The following COG4 variants were observed in gnomAD, a reference collection of about 807,000 sequenced individuals.
COG4 encodes component of oligomeric golgi complex 4.
A neutral mutation model predicts 95.1 loss-of-function variants in COG4; 65 were observed. That is an observed-to-expected ratio of 0.68 (90% confidence interval 0.56 to 0.84). COG4 has a LOEUF of 0.84. Ranked by LOEUF, COG4 falls within the 40% of genes least tolerant of loss-of-function variation. The pLI, the probability that COG4 is intolerant of heterozygous loss-of-function variation, is 0.00. For synonymous variants in COG4, 421 were observed against 374.8 expected (o/e 1.12, Z -1.42); for missense variants, 1,045 against 989.1 (o/e 1.06, Z -0.76).
At chr16:70,516,013 C>A (rs1347480797) in intron 3 of COG4, 1 of 455,782 alleles carries the variant, frequency 2.2e-6, no homozygotes, top group Admixed American at 2.4e-5. Context: ...TGAGAAGTTC[C>A]CCTCTATTCC....
At chr16:70,485,777 G>A (rs938483481) in intron 13 of COG4, among the ~76,000 whole-genome samples, 1 of 151,200 alleles carries the variant, frequency 6.6e-6, no homozygotes, top group African/African-American at 2.4e-5. Flanking sequence ...TAGAGATGGG[G>A]TTTCACCATG....
chr16:70,493,191 T>C (rs1027286131), intron 12 of COG4, among the ~76,000 whole-genome samples: 6 of 152,178 alleles, frequency 3.9e-5, no homozygotes, highest in African/African-American at 1.4e-4. Flanking sequence ...TATTTGATAT[T>C]TTCTTAATGG....
chr16:70,510,663 C>G (rs1007638233), intron 5 of COG4, among the ~76,000 whole-genome samples: 3 of 151,974 alleles, frequency 2.0e-5, no homozygotes, highest in African/African-American at 7.3e-5. Context: ...ACGACAAAAC[C>G]TGGGTACTGC....
At chr16:70,523,232 A>C in intron 1 of COG4, 141 bp downstream of exon 1, 2 of 1,014,566 alleles carry the variant, frequency 2.0e-6, no homozygotes, top group Non-Finnish European at 3.1e-6. Flanking sequence ...CTACTCATAT[A>C]CCCGACTAGC....
At chr16:70,492,918 G>A (rs1597664113) in intron 12 of COG4, among the ~76,000 whole-genome samples, 3 of 152,050 alleles carry the variant, frequency 2.0e-5, no homozygotes, top group South Asian at 4.2e-4. Context: ...AGCCAAGATC[G>A]CGCCATTGCA....
intron 1 of COG4, among the ~76,000 whole-genome samples, chr16:70,521,876 T>C (rs2049951830): frequency 6.6e-6 from 1 of 150,598 alleles, no homozygotes; most frequent in African/African-American, 2.5e-5. Context: ...TAATTTTTTG[T>C]ATTTTTAGTA....
chr16:70,489,057 A>G (rs551519980), intron 13 of COG4, among the ~76,000 whole-genome samples: 1 of 152,238 alleles, frequency 6.6e-6, no homozygotes, highest in South Asian at 2.1e-4. Context: ...GAAGATTTGA[A>G]CTTGGGGTAT....
At chr16:70,505,199 T>G (rs1424997457) in intron 8 of COG4, among the ~76,000 whole-genome samples, 2 of 144,060 alleles carry the variant, frequency 1.4e-5, no homozygotes, top group Non-Finnish European at 3.0e-5. Context: ...TGGATTTTCT[T>G]TTTTTTTTTT....
In COG4 at chr16:70,523,548, C is replaced by A. The variant is rs928454056; in HGVS notation, c.-5G>T. On this transcript the variant is annotated 5_prime_UTR_variant, in exon 1 of 19. Coordinates refer to ENST00000323786, the MANE Select transcript of COG4 (RefSeq NM_015386.3). ...GTCCGCCATCTTGGTCCCCATTCGG[C>A]ACTTCCGGTCCCGCGAGGCCCCCTC... 3.1e-6 allele frequency: 5 copies of A among 1,613,752 alleles called. No homozygotes were observed. In the South Asian group the frequency reaches 5.5e-5, roughly 18 times the overall value.
At chr16:70,514,568 G>A in intron 3 of COG4, 59 bp from the exon 4 acceptor site, 1 of 1,468,394 alleles carries the variant, frequency 6.8e-7, no homozygotes, top group East Asian at 2.3e-5. Context: ...CACCCCTCAA[G>A]AAGGTAGGGA....
At chr16:70,483,705 G>T in intron 14 of COG4, 148 bp downstream of exon 14, 1 of 759,042 alleles carries the variant, frequency 1.3e-6, no homozygotes, top group South Asian at 1.4e-5. Flanking sequence ...TTAGTCTCAA[G>T]GGACCTGCAC....
At chr16:70,483,814 A>G in intron 14 of COG4, 39 bp downstream of exon 14, 1 of 1,438,950 alleles carries the variant, frequency 6.9e-7, no homozygotes, top group Non-Finnish European at 9.8e-7. Context: ...AGCAACACAC[A>G]GGCACAGGAT....
chr16:70,494,461 G>A lies in COG4; in HGVS notation c.1647+1805C>T, dbSNP rs541087697. ...AGTGATGACATTTTAAATACTTGGT[G>A]TCAGGAAAACCAGAAACCTGTCACC... is the stretch of plus-strand genomic sequence containing the variant. On this transcript the variant is annotated intron_variant, in intron 12 of 18. Transcript: ENST00000323786. 1.1e-4 allele frequency among the ~76,000 whole-genome samples: 16 copies of A among 152,314 alleles called. No individual in the cohort carries two copies. In the East Asian group the frequency reaches 2.9e-3, roughly 28 times the overall value.
intron 8 of COG4, among the ~76,000 whole-genome samples, chr16:70,502,427 C>G (rs754816783): frequency 7.3e-5 from 11 of 150,906 alleles, no homozygotes; most frequent in Non-Finnish European, 1.3e-4. Context: ...CATGGAGAAA[C>G]CCCGTCTCCA....
At position 70,508,458 on chromosome 16, in the gene COG4, G is replaced by A; in HGVS notation, c.1009C>T (p.His337Tyr). ...KQRDYHQQFR[H>Y]VQNNLMRNST... The stretch of plus-strand genomic sequence containing the variant: ...TTTCTCATCAGGTTGTTCTGAACAT[G>A]CCGGAACTGCAACATACCACAGGAA... The change falls in exon 8 of 19, where the codon CAT becomes TAT. Residue 337 changes from histidine (H) to tyrosine (Y), a missense_variant. Coordinates refer to ENST00000323786, the MANE Select transcript of COG4 (RefSeq NM_015386.3). The A allele has an allele frequency of 1.2e-6, 2 of 1,613,892 alleles. No homozygotes were observed. Among genetic ancestry groups the A allele is most frequent in the Non-Finnish European group, 1.7e-6 (2 of 1,179,786 alleles).
chr16:70,482,029 C>T, intron 16 of COG4, 63 bp downstream of exon 16: 2 of 1,440,536 alleles, frequency 1.4e-6, no homozygotes, highest in South Asian at 2.3e-5. Context: ...TGAGACCCTG[C>T]AGGCTGCTGG....
chr16:70,489,362 C>T lies in COG4; in HGVS notation c.1710+968G>A, dbSNP rs145830542. ...CCTCCCGAGTAGCTGGGATTACAGGCGCCTGCCACCATGGCTGGCTCATTT... is the reference window on the plus strand; with the variant it reads ...CCTCCCGAGTAGCTGGGATTACAGGTGCCTGCCACCATGGCTGGCTCATTT... On this transcript the variant is annotated intron_variant, in intron 13 of 18. Transcript: ENST00000323786. Among the ~76,000 whole-genome samples the T allele has an allele frequency of 2.0e-3, 307 of 151,386 alleles. 2 individuals carry two copies. Among genetic ancestry groups the T allele is most frequent in the South Asian group, 8.4e-3 (40 of 4,786 alleles).
At chr16:70,523,188 G>T in intron 1 of COG4, 185 bp downstream of exon 1, 2 of 660,594 alleles carry the variant, frequency 3.0e-6, no homozygotes, top group East Asian at 2.8e-5. Flanking sequence ...AGACAAGCTC[G>T]GCGCGTCCGA....
chr16:70,501,184 C>T (rs1305849003), intron 8 of COG4, 93 bp from the exon 9 acceptor site: 3 of 1,421,386 alleles, frequency 2.1e-6, no homozygotes, highest in Admixed American at 3.4e-5. Flanking sequence ...TCCCCCTCCC[C>T]ACTGGGCCCA....
Sources: gnomAD v4.1 joint callset for allele counts (sites outside exome capture counted in the v4.1 genomes callset) on GRCh38, gnomAD v4.1.1 for gene constraint, MANE v1.5 for transcripts, NCBI Gene and HGNC (gene_info 2026-07-23, HGNC 2026-07-21) for gene names.